FREM1: variants seen among roughly 807,000 people sequenced by gnomAD.
The protein encoded by FREM1 is FRAS1-related extracellular matrix protein 1.
A neutral mutation model predicts 210.1 loss-of-function variants in FREM1; 220 were observed. That is an observed-to-expected ratio of 1.05 (90% CI 0.94 to 1.17). The LOEUF is 1.17. Among genes scored for constraint, FREM1 ranks in the 50% most tolerant of loss-of-function variants. The pLI, the probability that FREM1 is intolerant of heterozygous loss-of-function variation, is 0.00. For synonymous variants in FREM1, 1,189 were observed against 980.2 expected (o/e 1.21, Z -3.98); for missense variants, 3,454 against 2,675.5 (o/e 1.29, Z -6.42).
At chr9:14,794,130 AG>A (rs1438925822) in intron 21 of FREM1, among the ~76,000 whole-genome samples, 1 of 152,246 alleles carries the variant, frequency 6.6e-6, no homozygotes, top group African/African-American at 2.4e-5. Flanking sequence ...AGACAGGACA[AG>A]GTGTGTCATA....
intron 1 of FREM1, among the ~76,000 whole-genome samples, chr9:14,883,157 T>TG (rs1835121771): frequency 1.3e-5 from 2 of 152,118 alleles, no homozygotes; most frequent in Non-Finnish European, 2.9e-5. Context: ...TAGAGTCTGT[T>TG]TTATTTACAT....
At chr9:14,850,451 T>C (rs1283287660) in intron 6 of FREM1, 3 of 151,898 alleles carry the variant, frequency 2.0e-5, no homozygotes, top group South Asian at 2.1e-4. Context: ...GCAGCACATA[T>C]ACTAAAATTG....
intron 24 of FREM1, among the ~76,000 whole-genome samples, chr9:14,783,820 G>T (rs781021602): frequency 1.1e-4 from 17 of 152,176 alleles, no homozygotes; most frequent in Non-Finnish European, 1.8e-4. Flanking sequence ...GTTTCTATGG[G>T]GAAATATGAT....
rs529371877 is a variant in FREM1, at chr9:14,861,744, TG to T, written c.329+2064del. ...CTGGTCTCAAACTCCTGACCTCAGG[TG>T]ATCTGCCCACCTTAGCCTCCCAAAG... On this transcript the variant is annotated intron_variant, in intron 3 of 36. Coordinates refer to ENST00000380880, the MANE Select transcript of FREM1 (RefSeq NM_001379081.2). Among the ~76,000 whole-genome samples the T allele has an allele frequency of 2.6e-5, 4 of 152,198 alleles. No individual in the cohort carries two copies. The South Asian group carries it at 8.3e-4, about 32-fold the overall frequency.
intron 15 of FREM1, among the ~76,000 whole-genome samples, chr9:14,816,180 G>A (rs897736470): frequency 6.6e-6 from 1 of 152,084 alleles, no homozygotes; most frequent in Non-Finnish European, 1.5e-5. Context: ...TTTATACATA[G>A]AATAAATTAC....
In FREM1 at chr9:14,861,222, CATATATACACAT is replaced by C. The variant is rs1830383760; in HGVS notation, c.330-1750_330-1739del. 2.0e-5 allele frequency among the ~76,000 whole-genome samples: 2 copies of C among 102,060 alleles called. 1 individual carries two copies. The highest frequency in any genetic ancestry group is 3.7e-5 in the Non-Finnish European group (2 of 54,546). 67.0% of individuals were successfully genotyped at this position (102,060 alleles called of 152,430 possible). Reference sequence around the variant, plus strand: ...ATATACACACATATACATATATACACATATATACACATATATACACACATATATACATATATA... The same window carrying C: ...ATATACACACATATACATATATACACATATACACACATATATACATATATA... On this transcript the variant is annotated intron_variant, in intron 3 of 36. Coordinates refer to ENST00000380880, the MANE Select transcript of FREM1 (RefSeq NM_001379081.2).
intron 1 of FREM1, among the ~76,000 whole-genome samples, chr9:14,896,137 T>C (rs79623129): frequency 6.6e-6 from 1 of 151,968 alleles, no homozygotes; most frequent in Admixed American, 6.6e-5. Flanking sequence ...AAAATCAAGA[T>C]GGGGATAAAA....
chr9:14,888,366 C>G (rs1269307531), intron 1 of FREM1, among the ~76,000 whole-genome samples: 1 of 152,178 alleles, frequency 6.6e-6, no homozygotes, highest in Non-Finnish European at 1.5e-5. Flanking sequence ...ACACCAAAAC[C>G]TTATACTCTT....
chr9:14,760,724 A>G (rs540409339), intron 27 of FREM1, among the ~76,000 whole-genome samples: 87 of 152,206 alleles, frequency 5.7e-4, no homozygotes, highest in Admixed American at 9.8e-4. Context: ...GCATAAATCT[A>G]ATGCCAAATC....
intron 1 of FREM1, among the ~76,000 whole-genome samples, chr9:14,870,633 G>C (rs367784678): frequency 3.3e-5 from 5 of 151,560 alleles, no homozygotes; most frequent in African/African-American, 1.2e-4. Context: ...ATTTAATATG[G>C]TTTCTTTTTT....
chr9:14,819,221 G>A lies in FREM1; in HGVS notation c.2546+13C>T. On this transcript the variant is annotated intron_variant, in intron 14 of 36. Transcript: ENST00000380880. The stretch of plus-strand genomic sequence containing the variant: ...TAAAGCATGTAAATAAAAAAACCAT[G>A]AAATGTTCTAACCTAACTTTTAAGG... 6.4e-7 allele frequency: 1 copy of A among 1,563,284 alleles called. No individual in the cohort carries two copies. Among genetic ancestry groups the A allele is most frequent in the South Asian group, 1.2e-5 (1 of 85,184 alleles).
At chr9:14,876,305 T>C (rs1301538769) in intron 1 of FREM1, among the ~76,000 whole-genome samples, 3 of 152,108 alleles carry the variant, frequency 2.0e-5, no homozygotes, top group African/African-American at 4.8e-5. Flanking sequence ...GGCAGGCAGG[T>C]CTCCTTGAGC....
chr9:14,806,697 C>G lies in FREM1; in HGVS notation c.3238G>C (p.Val1080Leu). 1 of 1,602,516 alleles carries G rather than the reference C, an allele frequency of 6.2e-7. No individual in the cohort carries two copies. The highest frequency in any genetic ancestry group is 2.2e-5 in the East Asian group (1 of 44,760). ...FGYLENILPS[V>L]GFEKSNIGIS... ...CCAATATTGCTTTTTTCAAAACCCACAGAAGGGAGTATATTTTCGAGGTAG... is the reference window on the plus strand; with the variant it reads ...CCAATATTGCTTTTTTCAAAACCCAGAGAAGGGAGTATATTTTCGAGGTAG... The change falls in exon 18 of 37, where the codon GTG becomes CTG. Residue 1080 changes from valine to leucine, a missense_variant. Coordinates refer to ENST00000380880, the MANE Select transcript of FREM1 (RefSeq NM_001379081.2).
chr9:14,815,854 G>C (rs1469398113), intron 15 of FREM1, among the ~76,000 whole-genome samples: 3 of 152,118 alleles, frequency 2.0e-5, no homozygotes, highest in Non-Finnish European at 4.4e-5. Context: ...CGCCATTTTG[G>C]ACAGGGTGGT....
intron 1 of FREM1, among the ~76,000 whole-genome samples, chr9:14,909,482 G>A (rs371290207): frequency 3.3e-4 from 50 of 152,262 alleles, no homozygotes; most frequent in African/African-American, 1.2e-3. Flanking sequence ...TTAAGCAAAG[G>A]TATCCAGACA....
chr9:14,869,009 G>A lies in FREM1; in HGVS notation c.-32C>T, dbSNP rs534593430. 2.2e-4 allele frequency: 317 copies of A among 1,443,724 alleles called. 4 individuals carry two copies. The South Asian group carries it at 3.8e-3, about 17-fold the overall frequency. The allele number at this position is 1,443,724 out of a possible 1,614,324, so 89.4% of individuals were successfully genotyped here. A position where few individuals can be genotyped will look rare whatever the true frequency, so the allele number is the denominator to read the frequency against. On this transcript the variant is annotated 5_prime_UTR_variant, in exon 2 of 37. Coordinates refer to ENST00000380880, the MANE Select transcript of FREM1 (RefSeq NM_001379081.2). ...AGGGCCCAACTCTTCTCTGTCCACC[G>A]GCGAAATCCCTTTAACAAAGGAGGG...
At chr9:14,870,643 T>C in intron 1 of FREM1, among the ~76,000 whole-genome samples, 1 of 152,226 alleles carries the variant, frequency 6.6e-6, no homozygotes, top group African/African-American at 2.4e-5. Context: ...GTTTCTTTTT[T>C]TTATTTTAAT....
At chr9:14,865,015 A>T (rs1013901215) in intron 2 of FREM1, among the ~76,000 whole-genome samples, 1 of 152,214 alleles carries the variant, frequency 6.6e-6, no homozygotes, top group African/African-American at 2.4e-5. Flanking sequence ...CTTTTATAAA[A>T]GGCGACAACC....
intron 16 of FREM1, 146 bp downstream of exon 16, chr9:14,812,666 C>A: frequency 2.6e-6 from 2 of 757,736 alleles, no homozygotes; most frequent in South Asian, 4.4e-5. Flanking sequence ...GGTGATCATG[C>A]TGGAAAAATG....
Sources: allele counts gnomAD v4.1 joint callset (sites outside exome capture counted in the v4.1 genomes callset), GRCh38; gene constraint gnomAD v4.1.1; transcripts MANE v1.5; gene names NCBI Gene and HGNC (gene_info 2026-07-23, HGNC 2026-07-21).